The following MCC variants were observed in gnomAD, a reference collection of about 807,000 sequenced individuals.
The protein encoded by MCC is colorectal mutant cancer protein.
A neutral mutation model predicts 116.2 loss-of-function variants in MCC; 90 were observed. That is an observed-to-expected ratio of 0.77 (90% CI 0.65 to 0.92). MCC has a LOEUF of 0.92. MCC is among the 40% of genes least tolerant of loss of function. The probability of loss-of-function intolerance (pLI) is 0.00; values close to 1 mark genes in which losing one functional copy is unlikely to be tolerated. For synonymous variants in MCC, 578 were observed against 510.5 expected, an observed-to-expected ratio of 1.13 and a Z score of -1.78; for missense variants, 1,516 against 1,312.2, an observed-to-expected ratio of 1.16 and a Z score of -2.40.
At chr5:113,428,251 C>T (rs968060408) in intron 1 of MCC, among the ~76,000 whole-genome samples, 8 of 152,088 alleles carry the variant, frequency 5.3e-5, no homozygotes, top group Admixed American at 2.0e-4. Flanking sequence ...AGTAGAAGAA[C>T]GTCAATAGAT....
intron 14 of MCC, among the ~76,000 whole-genome samples, chr5:113,058,436 G>A (rs1215937334): frequency 6.6e-6 from 1 of 152,194 alleles, no homozygotes; most frequent in South Asian, 2.1e-4. Context: ...GAACTCTGGA[G>A]GTGGAGCCCA....
At chr5:113,466,185 A>G (rs113464301) in intron 1 of MCC, among the ~76,000 whole-genome samples, 1 of 140,098 alleles carries the variant, frequency 7.1e-6, no homozygotes, top group African/African-American at 2.8e-5. Context: ...TTTTTTTTTA[A>G]TTTTATTATT....
intron 3 of MCC, among the ~76,000 whole-genome samples, chr5:113,161,399 T>C (rs1760475283): frequency 6.6e-6 from 1 of 152,190 alleles, no homozygotes; most frequent in Non-Finnish European, 1.5e-5. Context: ...AAGGTCTGAA[T>C]TGTTCATAAA....
intron 1 of MCC, among the ~76,000 whole-genome samples, chr5:113,415,586 C>G (rs904610095): frequency 6.6e-6 from 1 of 152,114 alleles, no homozygotes. Context: ...GCATGCGTCA[C>G]GTAGTTCTCG....
chr5:113,032,408 C>CA (rs376957827), intron 17 of MCC, among the ~76,000 whole-genome samples: 6,368 of 62,448 alleles, frequency 0.1, 380 homozygotes, highest in African/African-American at 0.19. Flanking sequence ...AACTCTGTAT[C>CA]AAAAAAAAAA....
chr5:113,426,344 C>T (rs1412547626), intron 1 of MCC, among the ~76,000 whole-genome samples: 1 of 152,118 alleles, frequency 6.6e-6, no homozygotes, highest in African/African-American at 2.4e-5. Context: ...AGCTATAGGT[C>T]GTTGTCATCC....
In MCC at chr5:113,429,416, C is replaced by T. The variant is rs1021974612; in HGVS notation, c.171-44204G>A. Among the ~76,000 whole-genome samples, 8 of 152,188 alleles carry T rather than the reference C, an allele frequency of 5.3e-5. No individual in the cohort carries two copies. In the Middle Eastern group the frequency reaches 0.014, roughly 259 times the overall value. On this transcript the variant is annotated intron_variant, in intron 1 of 18. Transcript: ENST00000408903. ...TTGGATCTCCTAGCCTCCAGAACCA[C>T]GAAAAAATTAATTTCTATTATTTAA...
chr5:113,386,994 C>T (rs968338294), intron 1 of MCC, among the ~76,000 whole-genome samples: 3 of 152,078 alleles, frequency 2.0e-5, no homozygotes, highest in Non-Finnish European at 4.4e-5. Flanking sequence ...TGTGTCCTTT[C>T]CCATCCCTTA....
At chr5:113,313,234 C>T (rs1434067636) in intron 3 of MCC, among the ~76,000 whole-genome samples, 1 of 152,050 alleles carries the variant, frequency 6.6e-6, no homozygotes, top group East Asian at 1.9e-4. Flanking sequence ...ATAATCCTAG[C>T]TACTCGGGAG....
At chr5:113,333,828 T>TACATATATGTACATATGTACATATGTAC (rs71687516) in intron 3 of MCC, among the ~76,000 whole-genome samples, 1 of 12,290 alleles carries the variant, frequency 8.1e-5, no homozygotes, top group Non-Finnish European at 4.3e-4. Context: ...TACATATATG[T>TACATATATGTACATATGTACATATGTAC]ATATATGTAT....
intron 11 of MCC, among the ~76,000 whole-genome samples, chr5:113,076,828 G>A (rs1389464764): frequency 6.6e-6 from 1 of 152,134 alleles, no homozygotes; most frequent in African/African-American, 2.4e-5. Context: ...AATGTAAATG[G>A]GCTAAATGTT....
intron 3 of MCC, among the ~76,000 whole-genome samples, chr5:113,268,654 C>A (rs552044160): frequency 6.6e-6 from 1 of 152,318 alleles, no homozygotes; most frequent in African/African-American, 2.4e-5. Context: ...CATTAAAGAA[C>A]ATGAGCTCCC....
At chr5:113,266,894 C>CCGGGTCATAAAAT (rs1765442051) in intron 3 of MCC, among the ~76,000 whole-genome samples, 1 of 151,884 alleles carries the variant, frequency 6.6e-6, no homozygotes, top group African/African-American at 2.4e-5. Flanking sequence ...AATCAGGGAT[C>CCGGGTCATAAAAT]CAGGTCACAT....
chr5:113,059,173 G>T (rs941105532), intron 14 of MCC, among the ~76,000 whole-genome samples: 1 of 151,828 alleles, frequency 6.6e-6, no homozygotes, highest in Non-Finnish European at 1.5e-5. Context: ...AAAGATCTCA[G>T]TCCACAGATC....
intron 3 of MCC, among the ~76,000 whole-genome samples, chr5:113,176,014 T>A (rs1251954154): frequency 6.6e-6 from 1 of 152,308 alleles, no homozygotes; most frequent in East Asian, 1.9e-4. Flanking sequence ...GATAGGCATA[T>A]CCTAGGCTGA....
At chr5:113,075,416 G>A (rs1754368358) in intron 11 of MCC, among the ~76,000 whole-genome samples, 2 of 152,356 alleles carry the variant, frequency 1.3e-5, no homozygotes, top group Admixed American at 6.5e-5. Flanking sequence ...GGGCTGAGGA[G>A]TGTGGGTGCA....
chr5:113,305,953 G>A (rs11241198), intron 3 of MCC, among the ~76,000 whole-genome samples: 1 of 151,900 alleles, frequency 6.6e-6, no homozygotes, highest in Non-Finnish European at 1.5e-5. Context: ...ACAAGTCTAC[G>A]TTGTGTCTCT....
intron 3 of MCC, among the ~76,000 whole-genome samples, chr5:113,220,680 T>G (rs1437967579): frequency 1.3e-5 from 2 of 152,240 alleles, no homozygotes; most frequent in African/African-American, 4.8e-5. Context: ...CTTGTAACCA[T>G]GTAAAATTCA....
intron 3 of MCC, among the ~76,000 whole-genome samples, chr5:113,333,736 G>T (rs1225005494): frequency 8.5e-6 from 1 of 117,510 alleles, no homozygotes; most frequent in Non-Finnish European, 1.9e-5. Context: ...CAGATAGCTG[G>T]TATGTTAGAT....
Sources: allele counts gnomAD v4.1 joint callset (sites outside exome capture counted in the v4.1 genomes callset), GRCh38; gene constraint gnomAD v4.1.1; transcripts MANE v1.5; gene names NCBI Gene and HGNC (gene_info 2026-07-23, HGNC 2026-07-21).